ALDH1A2: variants seen among roughly 807,000 people sequenced by gnomAD.
ALDH1A2 encodes the protein retinal dehydrogenase 2.
A neutral mutation model predicts 60.3 loss-of-function variants in ALDH1A2; 27 were observed. That is an observed-to-expected ratio of 0.45 (90% CI 0.33 to 0.62). ALDH1A2 has a LOEUF of 0.62. ALDH1A2 is among the 20% of genes least tolerant of loss of function. The pLI is 0.02. For missense variants in ALDH1A2, 581 were observed against 643.8 expected (o/e 0.90, Z 1.06); for synonymous variants, 289 against 232.4 (o/e 1.24, Z -2.21).
chr15:57,955,446 G>A (rs1406220742), intron 12 of ALDH1A2, among the ~76,000 whole-genome samples, 177 bp from the exon 13 acceptor site: 2 of 151,568 alleles, frequency 1.3e-5, no homozygotes, highest in African/African-American at 2.4e-5. Context: ...CAGAGAAACT[G>A]TCATCTCATG....
chr15:57,958,215 C>A (rs1186478287), intron 12 of ALDH1A2, among the ~76,000 whole-genome samples: 1 of 44,890 alleles, frequency 2.2e-5, no homozygotes, highest in Non-Finnish European at 7.0e-5. Flanking sequence ...TACACGCACG[C>A]ACACACACAC....
chr15:57,989,693 G>T (rs868323836), intron 7 of ALDH1A2, among the ~76,000 whole-genome samples: 1 of 46,640 alleles, frequency 2.1e-5, no homozygotes, highest in African/African-American at 6.2e-5. Context: ...TTATATTCAG[G>T]CATCATGTAA....
chr15:58,012,246 G>A (rs1457263027), intron 3 of ALDH1A2: 1 of 152,152 alleles, frequency 6.6e-6, no homozygotes, highest in African/African-American at 2.4e-5. Context: ...CTAGCACAGT[G>A]TTAATCCAAT....
chr15:57,986,603 A>G (rs1193852593), intron 7 of ALDH1A2, among the ~76,000 whole-genome samples: 2 of 150,028 alleles, frequency 1.3e-5, no homozygotes, highest in African/African-American at 2.4e-5. Flanking sequence ...AGGACCCATA[A>G]ACAGGAAAAA....
At chr15:57,971,927 G>T (rs1264060480) in intron 7 of ALDH1A2, among the ~76,000 whole-genome samples, 1 of 151,974 alleles carries the variant, frequency 6.6e-6, no homozygotes, top group African/African-American at 2.4e-5. Context: ...ACTGGGGCTT[G>T]CCATCTTGCC....
chr15:58,058,192 TC>T (rs1896942828), intron 1 of ALDH1A2: 1 of 829,600 alleles, frequency 1.2e-6, no homozygotes, highest in Admixed American at 2.1e-5. Context: ...AGCCTTCCCC[TC>T]CTCCTTCCCA....
At chr15:58,036,014 C>T (rs1896368900) in intron 1 of ALDH1A2, among the ~76,000 whole-genome samples, 1 of 151,564 alleles carries the variant, frequency 6.6e-6, no homozygotes, top group South Asian at 2.1e-4. Context: ...TTAATCAATA[C>T]ATTAAAAAAT....
chr15:58,054,998 T>G (rs991040965), intron 1 of ALDH1A2, among the ~76,000 whole-genome samples: 5 of 152,094 alleles, frequency 3.3e-5, no homozygotes, highest in African/African-American at 1.2e-4. Flanking sequence ...GAATTAGACT[T>G]AGGATCTGAA....
chr15:57,964,706 C>T (rs1358828821), intron 8 of ALDH1A2: 4 of 152,770 alleles, frequency 2.6e-5, no homozygotes, highest in Admixed American at 1.3e-4. Context: ...TGTGTAAAAT[C>T]CTATGATAAC....
chr15:57,980,155 G>C, intron 7 of ALDH1A2: 1 of 283,416 alleles, frequency 3.5e-6, no homozygotes, highest in Non-Finnish European at 7.4e-6. Context: ...GCCCGATGAC[G>C]CACTGGCCAG....
chr15:57,979,296 A>G (rs1894395000), intron 7 of ALDH1A2, among the ~76,000 whole-genome samples: 1 of 151,956 alleles, frequency 6.6e-6, no homozygotes, highest in Non-Finnish European at 1.5e-5. Flanking sequence ...AAAAAAATGT[A>G]TTTTTCTTTT....
intron 1 of ALDH1A2, among the ~76,000 whole-genome samples, chr15:58,031,262 T>G (rs552530690): frequency 1.5e-4 from 23 of 152,048 alleles, no homozygotes; most frequent in Non-Finnish European, 2.6e-4. Flanking sequence ...CAAGAAATGG[T>G]GAAAGGATTC....
chr15:58,047,112 G>A (rs1297217504), intron 1 of ALDH1A2, among the ~76,000 whole-genome samples: 3 of 152,008 alleles, frequency 2.0e-5, no homozygotes, highest in African/African-American at 4.8e-5. Context: ...TTTCTAATTG[G>A]GGAATCTAAA....
At chr15:58,058,084 C>T in intron 1 of ALDH1A2, 17 of 1,534,074 alleles carry the variant, frequency 1.1e-5, no homozygotes, top group Non-Finnish European at 1.5e-5. Flanking sequence ...AAAAAGGATT[C>T]TGCCAGCAAG....
chr15:57,981,949 T>C (rs536972770), intron 7 of ALDH1A2, among the ~76,000 whole-genome samples: 36 of 152,280 alleles, frequency 2.4e-4, no homozygotes, highest in Admixed American at 1.4e-3. Flanking sequence ...GACCCACATG[T>C]GGTGAACGAC....
Position 58,004,764 on chromosome 15 carries a change from A to G in ALDH1A2, c.493+5885T>C, listed in dbSNP as rs188664970. ...ATATATTTTATCCAGTCATCCATTG[A>G]ACAGCACTTAGGTTCATTTTATTTA... is the stretch of plus-strand genomic sequence containing the variant. On this transcript the variant is annotated intron_variant, in intron 4 of 12. Transcript: ENST00000249750. 4.3e-3 allele frequency among the ~76,000 whole-genome samples: 642 copies of G among 148,290 alleles called. 6 individuals carry two copies. The highest frequency in any genetic ancestry group is 5.8e-3 in the Non-Finnish European group (392 of 67,256).
At chr15:57,979,058 G>A (rs1442678884) in intron 7 of ALDH1A2, among the ~76,000 whole-genome samples, 6 of 152,086 alleles carry the variant, frequency 3.9e-5, no homozygotes, top group African/African-American at 1.4e-4. Context: ...CGGTGGTGGT[G>A]TGGGGAGTTG....
intron 1 of ALDH1A2, among the ~76,000 whole-genome samples, chr15:58,027,227 T>C (rs1268113095): frequency 6.6e-6 from 1 of 152,208 alleles, no homozygotes; most frequent in East Asian, 1.9e-4. Context: ...TTTGCTCTTC[T>C]GCAGTCTCTG....
chr15:58,021,450 G>A (rs532126816), intron 1 of ALDH1A2, among the ~76,000 whole-genome samples: 9 of 152,306 alleles, frequency 5.9e-5, no homozygotes, highest in African/African-American at 2.2e-4. Flanking sequence ...TGGGAAATGG[G>A]TGAGTGGGAG....
Sources: gnomAD v4.1 joint callset for allele counts (sites outside exome capture counted in the v4.1 genomes callset) on GRCh38, gnomAD v4.1.1 for gene constraint, MANE v1.5 for transcripts, NCBI Gene and HGNC (gene_info 2026-07-23, HGNC 2026-07-21) for gene names.